Variants in ADAMTSL3 observed in about 807,000 individuals in gnomAD.
The protein encoded by ADAMTSL3 is ADAMTS like 3, also known as ADAMTS-like protein 3.
In ADAMTSL3, 128 loss-of-function variants were observed where a neutral mutation model predicts 201.7. That is an observed-to-expected ratio of 0.63 (90% confidence interval 0.55 to 0.73). The LOEUF is 0.73. ADAMTSL3 is among the 30% of genes least tolerant of loss of function. The pLI is 0.00. For missense variants in ADAMTSL3, 1,990 were observed against 2,119.6 expected, an observed-to-expected ratio of 0.94 and a Z score of 1.20; for synonymous variants, 738 against 748.4, an observed-to-expected ratio of 0.99 and a Z score of 0.23.
intron 23 of ADAMTSL3, among the ~76,000 whole-genome samples, chr15:83,993,054 C>T (rs902453828): frequency 6.6e-6 from 1 of 152,220 alleles, no homozygotes; most frequent in African/African-American, 2.4e-5. Context: ...ATAAACCTGC[C>T]TCCAAATGCA....
intron 19 of ADAMTSL3, among the ~76,000 whole-genome samples, chr15:83,953,019 A>G (rs2066786439): frequency 1.3e-5 from 2 of 152,164 alleles, no homozygotes; most frequent in Non-Finnish European, 2.9e-5. Flanking sequence ...GTGTATCTTT[A>G]CAGGTGAAAT....
chr15:83,788,636 C>T (rs2063299079), intron 4 of ADAMTSL3, among the ~76,000 whole-genome samples: 2 of 152,246 alleles, frequency 1.3e-5, no homozygotes, highest in East Asian at 1.9e-4. Context: ...TAGAAACATA[C>T]ATTTTCCCCC....
chr15:83,841,816 C>T (rs951348092), intron 7 of ADAMTSL3, among the ~76,000 whole-genome samples: 1 of 151,814 alleles, frequency 6.6e-6, no homozygotes, highest in Non-Finnish European at 1.5e-5. Flanking sequence ...CTGCCATGCC[C>T]CCCATTCTGT....
In ADAMTSL3 at chr15:83,892,950, T is replaced by C; in HGVS notation, c.1467+62T>C. The C allele has an allele frequency of 2.7e-6, 4 of 1,493,708 alleles. No individual in the cohort carries two copies. The Admixed American group carries it at 5.4e-5, about 20-fold the overall frequency. 92.5% of individuals were successfully genotyped at this position (1,493,708 alleles called of 1,614,324 possible). On this transcript the variant is annotated intron_variant, in intron 13 of 29. Coordinates refer to ENST00000286744, the MANE Select transcript of ADAMTSL3 (RefSeq NM_207517.3). ...CATATTTTAAGGGATATTTTCTATATGCCCACCATGGTGCTAGACAGCATG... is the reference window on the plus strand; with the variant it reads ...CATATTTTAAGGGATATTTTCTATACGCCCACCATGGTGCTAGACAGCATG...
chr15:83,779,594 A>G (rs2141778284), intron 4 of ADAMTSL3, among the ~76,000 whole-genome samples: 1 of 147,270 alleles, frequency 6.8e-6, no homozygotes, highest in Admixed American at 6.9e-5. Flanking sequence ...GCTACTCTGG[A>G]GGCTGAGGCA....
intron 2 of ADAMTSL3, among the ~76,000 whole-genome samples, chr15:83,664,446 C>G (rs2061220145): frequency 6.6e-6 from 1 of 152,148 alleles, no homozygotes; most frequent in Admixed American, 6.5e-5. Context: ...AAGTCCTTAC[C>G]TCTCACTGCG....
chr15:83,941,387 T>G (rs2066557307), intron 17 of ADAMTSL3, among the ~76,000 whole-genome samples: 1 of 152,014 alleles, frequency 6.6e-6, no homozygotes, highest in East Asian at 1.9e-4. Flanking sequence ...GTGCTTATTT[T>G]AATAAAAATC....
At chr15:83,894,405 A>T (rs2065572201) in intron 13 of ADAMTSL3, among the ~76,000 whole-genome samples, 1 of 152,244 alleles carries the variant, frequency 6.6e-6, no homozygotes, top group Non-Finnish European at 1.5e-5. Flanking sequence ...ACAAGTTTAA[A>T]TAATTACAAA....
chr15:83,729,022 T>A (rs2062224675), intron 3 of ADAMTSL3, among the ~76,000 whole-genome samples: 1 of 152,082 alleles, frequency 6.6e-6, no homozygotes, highest in African/African-American at 2.4e-5. Flanking sequence ...TTGCTGGATA[T>A]ACTATTCTAG....
chr15:83,687,341 A>G (rs1258911597), intron 2 of ADAMTSL3, among the ~76,000 whole-genome samples: 4 of 152,360 alleles, frequency 2.6e-5, no homozygotes, highest in South Asian at 4.1e-4. Flanking sequence ...GATATTTTAC[A>G]TTACTTTTTG....
chr15:83,913,205 C>T lies in ADAMTSL3; in HGVS notation c.1814C>T (p.Pro605Leu). The T allele has an allele frequency of 6.2e-7, 1 of 1,614,136 alleles. No individual in the cohort carries two copies. The highest frequency in any genetic ancestry group is 2.2e-5 in the East Asian group (1 of 44,876). The part of the protein sequence containing the change: ...LTFTQTETEL[P>L]EEECEGPKLP... ...TTCACGCAGACTGAGACTGAGCTGC[C>T]CGAGGAAGAGTGTGAAGGCCCCAAG... The change falls in exon 16 of 30, where the codon CCC (proline) becomes CTC (leucine). Residue 605 changes from proline (P) to leucine (L), a missense_variant. Physicochemically the swap from Pro to Leu is moderately conservative, Grantham distance 98 (BLOSUM62 -3). Transcript: ENST00000286744.
chr15:83,731,221 T>A (rs1035597102), intron 3 of ADAMTSL3, among the ~76,000 whole-genome samples: 3 of 152,054 alleles, frequency 2.0e-5, no homozygotes, highest in South Asian at 4.1e-4. Context: ...GGAAGTGTGA[T>A]GCTTCCAACT....
intron 3 of ADAMTSL3, among the ~76,000 whole-genome samples, chr15:83,711,844 C>G (rs1462421527): frequency 6.6e-6 from 1 of 152,166 alleles, no homozygotes; most frequent in African/African-American, 2.4e-5. Flanking sequence ...CAGACATTTT[C>G]CTCTTTCAGT....
intron 23 of ADAMTSL3, 115 bp from the exon 24 acceptor site, chr15:84,014,427 A>G (rs1473893736): frequency 3.2e-6 from 3 of 935,914 alleles, no homozygotes; most frequent in African/African-American, 1.7e-5. Context: ...CCTATTATAT[A>G]TGATTAAACC....
intron 2 of ADAMTSL3, among the ~76,000 whole-genome samples, chr15:83,669,473 T>G (rs1279746322): frequency 2.6e-5 from 3 of 115,636 alleles, no homozygotes; most frequent in African/African-American, 1.0e-4. Context: ...TTTTTTTTTT[T>G]TTTTTTTTTT....
chr15:83,682,542 G>A (rs966815915), intron 2 of ADAMTSL3, among the ~76,000 whole-genome samples: 6 of 152,200 alleles, frequency 3.9e-5, no homozygotes, highest in South Asian at 4.1e-4. Context: ...AATGTCACTC[G>A]TCCTTGCTGT....
At chr15:83,765,704 T>G (rs183033630) in intron 3 of ADAMTSL3, among the ~76,000 whole-genome samples, 1 of 152,218 alleles carries the variant, frequency 6.6e-6, no homozygotes, top group South Asian at 2.1e-4. Context: ...AATATCTTTT[T>G]TGGAATTTTT....
intron 6 of ADAMTSL3, 89 bp from the exon 7 acceptor site, chr15:83,838,000 G>A: frequency 6.7e-7 from 1 of 1,502,176 alleles, no homozygotes; most frequent in African/African-American, 1.4e-5. Flanking sequence ...TAAAGTTAAG[G>A]ATTACATCAC....
chr15:83,951,228 G>C (rs8024422), intron 19 of ADAMTSL3, among the ~76,000 whole-genome samples: 54,483 of 151,586 alleles, frequency 0.36, 10,810 homozygotes, highest in African/African-American at 0.51. Context: ...TGTCATGAAG[G>C]GATGTTAAAT....
Sources: allele counts gnomAD v4.1 joint callset (sites outside exome capture counted in the v4.1 genomes callset), GRCh38; gene constraint gnomAD v4.1.1; transcripts MANE v1.5; gene names NCBI Gene and HGNC (gene_info 2026-07-23, HGNC 2026-07-21).